Variants in FBXO22 observed in about 807,000 individuals in gnomAD.
The protein encoded by FBXO22 is F-box only protein 22.
A neutral mutation model predicts 37.2 loss-of-function variants in FBXO22; 13 were observed. The observed-to-expected ratio is 0.35, with a 90% CI of 0.23 to 0.56. FBXO22 has a LOEUF of 0.56. Among genes scored for constraint, FBXO22 ranks in the 20% least tolerant of loss-of-function variants. The pLI is 0.87. For missense variants in FBXO22, 446 were observed against 509.9 expected (o/e 0.87, Z 1.21); for synonymous variants, 189 against 189.1 (o/e 1.00, Z 0.00).
At chr15:75,909,563 T>C (rs1900004590) in intron 2 of FBXO22, among the ~76,000 whole-genome samples, 1 of 152,208 alleles carries the variant, frequency 6.6e-6, no homozygotes, top group Admixed American at 6.5e-5. Context: ...AGTGCATCTT[T>C]TGCTGGTACT....
rs988971560 is a variant in FBXO22, at chr15:75,935,236, A to T, written c.*2134A>T. The T allele has an allele frequency of 7.2e-5, 11 of 152,234 alleles. No individual in the cohort carries two copies. The highest frequency in any genetic ancestry group is 2.7e-4 in the African/African-American group (11 of 41,470). The allele number at this position is 152,234 out of a possible 1,614,324, so 9.4% of individuals were successfully genotyped here. ...ATTACAATTTTGAAAGGCTTGTCTTAGAAGCATTAAAGGAGTATTAGCTAA... is the reference window on the plus strand; with the variant it reads ...ATTACAATTTTGAAAGGCTTGTCTTTGAAGCATTAAAGGAGTATTAGCTAA... On this transcript the variant is annotated 3_prime_UTR_variant, in exon 7 of 7. Transcript: ENST00000308275.
At position 75,932,751 on chromosome 15, in the gene FBXO22, T is replaced by C; in HGVS notation, c.861T>C (p.Ser287=). The change falls in exon 7 of 7, where the codon AGT becomes AGC. Residue 287 remains serine (S), a synonymous_variant. Transcript: ENST00000308275. ...CATTTAGTGGACACCGAATCCAGAGTGCCACTGTGCTCCTCAACGAGGACG... is the reference window on the plus strand; with the variant it reads ...CATTTAGTGGACACCGAATCCAGAGCGCCACTGTGCTCCTCAACGAGGACG... ...GLSFSGHRIQ[S]ATVLLNEDVS... 2 of 1,614,148 alleles carry C rather than the reference T, an allele frequency of 1.2e-6. No individual in the cohort carries two copies. Among genetic ancestry groups the C allele is most frequent in the Admixed American group, 1.7e-5 (1 of 60,024 alleles).
chr15:75,920,409 G>C (rs1900290953), intron 5 of FBXO22, among the ~76,000 whole-genome samples: 1 of 152,192 alleles, frequency 6.6e-6, no homozygotes, highest in Non-Finnish European at 1.5e-5. Flanking sequence ...ACATAGCCCA[G>C]ATTCTGGGAA....
chr15:75,919,996 G>A (rs1021763303), intron 5 of FBXO22, among the ~76,000 whole-genome samples: 1 of 152,188 alleles, frequency 6.6e-6, no homozygotes, highest in African/African-American at 2.4e-5. Context: ...GGCTCTTAGG[G>A]TATGTAAATA....
At position 75,937,949 on chromosome 15, in the gene FBXO22, T is replaced by C. The variant is rs1312296872; in HGVS notation, c.*4847T>C. The stretch of plus-strand genomic sequence containing the variant: ...CCAGAGGAGAATCTGGGGTAAGACT[T>C]TGGGAAATTAAGAACAGTTACATAT... On this transcript the variant is annotated 3_prime_UTR_variant, in exon 7 of 7. Transcript: ENST00000308275. 1 of 152,000 alleles carries C rather than the reference T, an allele frequency of 6.6e-6. No homozygotes were observed. The highest frequency in any genetic ancestry group is 2.4e-5 in the African/African-American group (1 of 41,352). The allele number at this position is 152,000 out of a possible 1,614,324, so 9.4% of individuals were successfully genotyped here.
intron 6 of FBXO22, among the ~76,000 whole-genome samples, chr15:75,932,452 C>G (rs1321491633): frequency 1.3e-5 from 2 of 151,980 alleles, no homozygotes; most frequent in Non-Finnish European, 2.9e-5. Context: ...GTGCATTGCC[C>G]CTTTGTATTT....
chr15:75,906,696 G>GC (rs368080698), intron 2 of FBXO22, among the ~76,000 whole-genome samples: 1 of 152,088 alleles, frequency 6.6e-6, no homozygotes, highest in African/African-American at 2.4e-5. Context: ...CAGGGAGCTG[G>GC]CCAGTATCCA....
Position 75,904,573 on chromosome 15 carries a change from G to C in FBXO22, c.223G>C (p.Glu75Gln). 6.2e-7 allele frequency: 1 copy of C among 1,613,700 alleles called. No homozygotes were observed. The highest frequency in any genetic ancestry group is 1.3e-5 in the African/African-American group (1 of 75,064). Reference protein sequence around the residue: ...SVTWISAGLAEAGHLEGHCLV... With the variant: ...SVTWISAGLAQAGHLEGHCLV... ...AACCTGGATCTCCGCAGGCCTGGCG[G>C]AGGCCGGCCACCTGGAGGGGCATTG... The change falls in exon 2 of 7, where the codon GAG becomes CAG. Residue 75 changes from glutamate (E) to glutamine (Q), a missense_variant. Around this residue, in one of 2 missense-constraint regions of FBXO22, gnomAD observed 315 missense variants for 410.1 expected, o/e 0.77. Coordinates refer to ENST00000308275, the MANE Select transcript of FBXO22 (RefSeq NM_147188.3).
intron 5 of FBXO22, among the ~76,000 whole-genome samples, chr15:75,923,910 G>A (rs767734631): frequency 6.6e-6 from 1 of 152,144 alleles, no homozygotes; most frequent in African/African-American, 2.4e-5. Context: ...GAATGGACAG[G>A]ATGTGGTGAC....
intron 2 of FBXO22, among the ~76,000 whole-genome samples, chr15:75,904,849 A>C (rs1262116372): frequency 4.3e-5 from 5 of 117,518 alleles, no homozygotes; most frequent in African/African-American, 1.7e-4. Flanking sequence ...TTTGAGACGT[A>C]GTCTCGCTCT....
At chr15:75,930,442 G>C in intron 6 of FBXO22, 3 of 1,010,408 alleles carry the variant, frequency 3.0e-6, no homozygotes, top group Non-Finnish European at 3.6e-6. Flanking sequence ...AATATGCCCA[G>C]TGCTGTGGAA....
chr15:75,919,309 T>A (rs1450113859), intron 5 of FBXO22, among the ~76,000 whole-genome samples: 1 of 152,174 alleles, frequency 6.6e-6, no homozygotes, highest in Non-Finnish European at 1.5e-5. Context: ...AGAGAGTGAC[T>A]GTTAAGTGTT....
intron 1 of FBXO22, 49 bp from the exon 2 acceptor site, chr15:75,904,442 G>A (rs772384272): frequency 1.2e-6 from 2 of 1,612,432 alleles, no homozygotes; most frequent in South Asian, 2.2e-5. Flanking sequence ...CTGTGGGAGA[G>A]ACGAAAATGA....
Position 75,933,649 on chromosome 15 carries a change from G to T in FBXO22, c.*547G>T. 1 of 174,398 alleles carries T rather than the reference G, an allele frequency of 5.7e-6. No individual in the cohort carries two copies. Among genetic ancestry groups the T allele is most frequent in the Non-Finnish European group, 1.2e-5 (1 of 80,504 alleles). The allele number at this position is 174,398 out of a possible 1,614,324, so 10.8% of individuals were successfully genotyped here. A position where few individuals can be genotyped will look rare whatever the true frequency, so the allele number is the denominator to read the frequency against. On this transcript the variant is annotated 3_prime_UTR_variant, in exon 7 of 7. Coordinates refer to ENST00000308275, the MANE Select transcript of FBXO22 (RefSeq NM_147188.3). ...TGATAAAAATTAAAGAACTATTTTT[G>T]TTTTGGTCAGATAAATTGACAAGAC...
Position 75,904,485 on chromosome 15 carries a change from C to G in FBXO22, c.141-6C>G, listed in dbSNP as rs761667976. On this transcript the variant is annotated splice_polypyrimidine_tract_variant and splice_region_variant and intron_variant, in intron 1 of 6. Coordinates refer to ENST00000308275, the MANE Select transcript of FBXO22 (RefSeq NM_147188.3). ...TTCGCAATCCTTTGTGCGTTTGCGT[C>G]CTCAGCGTGTGCCGCTTATGGAGGG... The G allele has an allele frequency of 1.2e-6, 2 of 1,613,706 alleles. No individual in the cohort carries two copies. Among genetic ancestry groups the G allele is most frequent in the Non-Finnish European group, 1.7e-6 (2 of 1,179,872 alleles).
intron 5 of FBXO22, among the ~76,000 whole-genome samples, chr15:75,925,605 G>A (rs1255117250): frequency 6.6e-6 from 1 of 151,938 alleles, no homozygotes; most frequent in Non-Finnish European, 1.5e-5. Context: ...TGAAGCTCAA[G>A]GGATTGAACT....
At chr15:75,918,351 T>C (rs1039272829) in intron 5 of FBXO22, among the ~76,000 whole-genome samples, 1 of 145,822 alleles carries the variant, frequency 6.9e-6, no homozygotes, top group Non-Finnish European at 1.5e-5. Context: ...AAGTCATTGG[T>C]GGATGGGAGG....
rs944951916 is a variant in FBXO22, at chr15:75,903,920, T to A, written c.-44T>A. 99 of 1,462,828 alleles carry A rather than the reference T, an allele frequency of 6.8e-5. No homozygotes were observed. The highest frequency in any genetic ancestry group is 8.7e-5 in the Non-Finnish European group (96 of 1,102,492). The allele number at this position is 1,462,828 out of a possible 1,614,324, so 90.6% of individuals were successfully genotyped here. A position where few individuals can be genotyped will look rare whatever the true frequency, so the allele number is the denominator to read the frequency against. On this transcript the variant is annotated 5_prime_UTR_variant, in exon 1 of 7. Coordinates refer to ENST00000308275, the MANE Select transcript of FBXO22 (RefSeq NM_147188.3). ...CAACCCTATGCTGGCGTAATCGGGT[T>A]CCTCCGAGCCGCCGTAGGACTGGTT... is the stretch of plus-strand genomic sequence containing the variant.
chr15:75,907,749 T>C (rs1595910396), intron 2 of FBXO22, among the ~76,000 whole-genome samples: 2 of 151,280 alleles, frequency 1.3e-5, no homozygotes, highest in Admixed American at 6.6e-5. Context: ...AATATAAATA[T>C]TTAAAAATAT....
Sources: allele counts gnomAD v4.1 joint callset (sites outside exome capture counted in the v4.1 genomes callset), GRCh38; gene constraint gnomAD v4.1.1; regional missense constraint gnomAD v4.1.1; transcripts MANE v1.5; gene names NCBI Gene and HGNC (gene_info 2026-07-23, HGNC 2026-07-21).